The following DOCK5 variants were observed in gnomAD, a reference collection of about 807,000 sequenced individuals.
DOCK5 encodes dedicator of cytokinesis 5.
A neutral mutation model predicts 251.8 loss-of-function variants in DOCK5; 142 were observed. That is an observed-to-expected ratio of 0.56 (90% confidence interval 0.49 to 0.65). The LOEUF (loss-of-function observed/expected upper bound fraction) is 0.65, where lower values mean the gene tolerates loss of function less well. Among genes scored for constraint, DOCK5 ranks in the 30% least tolerant of loss-of-function variants. DOCK5 has a pLI of 0.00. For synonymous variants in DOCK5, 842 were observed against 835.5 expected, an observed-to-expected ratio of 1.01 and a Z score of -0.13; for missense variants, 2,111 against 2,312.3, an observed-to-expected ratio of 0.91 and a Z score of 1.79.
intron 10 of DOCK5, 95 bp downstream of exon 10, chr8:25,302,549 T>C: frequency 7.2e-7 from 1 of 1,393,724 alleles, no homozygotes; most frequent in Non-Finnish European, 9.5e-7. Flanking sequence ...AACTAGCAAA[T>C]GATCCAGCTG....
intron 1 of DOCK5, among the ~76,000 whole-genome samples, chr8:25,212,221 A>G (rs1309728000): frequency 3.0e-5 from 2 of 67,524 alleles, no homozygotes; most frequent in African/African-American, 6.6e-5. Context: ...ATAGCTAGCT[A>G]TTTTTTTTTA....
At chr8:25,254,134 A>G (rs1447865776) in intron 2 of DOCK5, among the ~76,000 whole-genome samples, 1 of 152,226 alleles carries the variant, frequency 6.6e-6, no homozygotes, top group Non-Finnish European at 1.5e-5. Context: ...AATACAATAG[A>G]GAAAAGATAT....
At chr8:25,392,918 T>G (rs375160888) in intron 44 of DOCK5, 36 bp downstream of exon 44, 2 of 1,525,452 alleles carry the variant, frequency 1.3e-6, no homozygotes, top group Non-Finnish European at 1.8e-6. Context: ...GAAAAAAACT[T>G]TCTGTTTCCA....
chr8:25,267,729 T>G (rs1803799293), intron 2 of DOCK5, among the ~76,000 whole-genome samples: 1 of 152,188 alleles, frequency 6.6e-6, no homozygotes, highest in Non-Finnish European at 1.5e-5. Flanking sequence ...TGAGGGAAAT[T>G]ATTACAGTGA....
intron 46 of DOCK5, 92 bp downstream of exon 46, chr8:25,400,086 G>A: frequency 9.9e-7 from 1 of 1,005,414 alleles, no homozygotes; most frequent in South Asian, 1.5e-5. Flanking sequence ...CCCACTCAGG[G>A]TGACTTTTCT....
In DOCK5 at chr8:25,408,874, T is replaced by G; in HGVS notation, c.5338T>G (p.Ser1780Ala). ...TAATCGGCTATCACCATTTCACGGT[T>G]CTTCACCTCCTCAGTCAACACCCTT... Reference protein sequence around the residue: ...MDNRLSPFHGSSPPQSTPLSP... With the variant: ...MDNRLSPFHGASPPQSTPLSP... The change falls in exon 50 of 52, where the codon TCT (serine) becomes GCT (alanine). Residue 1780 changes from serine (S) to alanine (A), a missense_variant. By Grantham distance (99) the Ser-to-Ala change is moderately conservative. Around this residue, in one of 3 missense-constraint regions of DOCK5, gnomAD observed 1,717 missense variants for 1,892.4 expected, o/e 0.91. Coordinates refer to ENST00000276440, the MANE Select transcript of DOCK5 (RefSeq NM_024940.8). 6.2e-7 allele frequency: 1 copy of G among 1,614,000 alleles called. No homozygotes were observed. The highest frequency in any genetic ancestry group is 8.5e-7 in the Non-Finnish European group (1 of 1,179,884).
chr8:25,300,153 G>A (rs1009924554), intron 8 of DOCK5, among the ~76,000 whole-genome samples: 4 of 152,280 alleles, frequency 2.6e-5, no homozygotes, highest in Middle Eastern at 3.4e-3. Context: ...CGATCCGCCC[G>A]CCTTGACCTC....
At chr8:25,217,423 T>A (rs375832296) in intron 1 of DOCK5, among the ~76,000 whole-genome samples, 1 of 152,118 alleles carries the variant, frequency 6.6e-6, no homozygotes, top group Non-Finnish European at 1.5e-5. Context: ...TGAGTCACCA[T>A]GAGTTTACTG....
At chr8:25,219,052 T>C (rs1291240767) in intron 1 of DOCK5, among the ~76,000 whole-genome samples, 1 of 152,220 alleles carries the variant, frequency 6.6e-6, no homozygotes, top group Non-Finnish European at 1.5e-5. Context: ...TGCTCTCTTG[T>C]GATTCATCGG....
Position 25,363,087 on chromosome 8 carries a change from T to C in DOCK5, c.2990T>C (p.Ile997Thr), listed in dbSNP as rs1220435700. Residue 997 changes from isoleucine (I) to threonine (T), a missense_variant, in exon 29 of 52, where the codon ATT becomes ACT. Physicochemically the swap from Ile to Thr is moderately conservative, Grantham distance 89. Transcript: ENST00000276440. Reference sequence around the variant, plus strand: ...ACTTTTATCATGTTCAAGGACCTGATTGGAAAGAATGTCTATGCCAAAGAT... The same window carrying C: ...ACTTTTATCATGTTCAAGGACCTGACTGGAAAGAATGTCTATGCCAAAGAT... Reference protein sequence around the residue: ...METFIMFKDLIGKNVYAKDWM... With the variant: ...METFIMFKDLTGKNVYAKDWM... 1.9e-6 allele frequency: 3 copies of C among 1,614,032 alleles called. No individual in the cohort carries two copies. Among genetic ancestry groups the C allele is most frequent in the Non-Finnish European group, 1.7e-6 (2 of 1,179,888 alleles).
At chr8:25,317,274 T>A (rs1805277873) in intron 14 of DOCK5, 143 bp downstream of exon 14, 1 of 1,327,936 alleles carries the variant, frequency 7.5e-7, no homozygotes, top group African/African-American at 1.5e-5. Flanking sequence ...CTGTTAAATT[T>A]GTGATTAGCA....
At chr8:25,317,600 C>G in intron 14 of DOCK5, among the ~76,000 whole-genome samples, 1 of 152,020 alleles carries the variant, frequency 6.6e-6, no homozygotes, top group Non-Finnish European at 1.5e-5. Context: ...TACCACTGCT[C>G]TTTAGTTTGT....
chr8:25,323,931 C>G lies in DOCK5; in HGVS notation c.1699C>G (p.His567Asp). 1 of 1,612,534 alleles carries G rather than the reference C, an allele frequency of 6.2e-7. No homozygotes were observed. Among genetic ancestry groups the G allele is most frequent in the Non-Finnish European group, 8.5e-7 (1 of 1,179,274 alleles). The change falls in exon 17 of 52, where the codon CAC becomes GAC. Residue 567 changes from histidine (H) to aspartate (D), a missense_variant. His to Asp is a moderately conservative substitution (Grantham distance 81). This residue lies in a region of DOCK5 where 1,717 missense variants were observed against 1,892.4 expected (regional missense o/e 0.91). Coordinates refer to ENST00000276440, the MANE Select transcript of DOCK5 (RefSeq NM_024940.8). ...TGGCACCACTCTGCAGGATGGGAGGCACGATCTGGTGGTTTATAAGGTGGT... is the reference window on the plus strand; with the variant it reads ...TGGCACCACTCTGCAGGATGGGAGGGACGATCTGGTGGTTTATAAGGTGGT... ...PDGTTLQDGR[H>D]DLVVYKGDNK...
At chr8:25,362,211 G>T (rs1487644887) in intron 28 of DOCK5, among the ~76,000 whole-genome samples, 1 of 152,166 alleles carries the variant, frequency 6.6e-6, no homozygotes, top group Non-Finnish European at 1.5e-5. Flanking sequence ...TCTGCTTCTT[G>T]TGTGTATCAC....
chr8:25,410,709 C>G (rs575252222), intron 51 of DOCK5, among the ~76,000 whole-genome samples: 3 of 143,074 alleles, frequency 2.1e-5, no homozygotes, highest in Non-Finnish European at 4.6e-5. Context: ...TGATCCCCCC[C>G]ACCCACCTCA....
In DOCK5 at chr8:25,249,894, A is replaced by C. The variant is rs186569219; in HGVS notation, c.127+6137A>C. Among the ~76,000 whole-genome samples, 1,059 of 152,232 alleles carry C rather than the reference A, an allele frequency of 7.0e-3. 14 individuals carry two copies. The highest frequency in any genetic ancestry group is 7.8e-3 in the Non-Finnish European group (530 of 68,010). On this transcript the variant is annotated intron_variant, in intron 2 of 51. Coordinates refer to ENST00000276440, the MANE Select transcript of DOCK5 (RefSeq NM_024940.8). ...TGGGATTATAGGCATGAGCCACTGC[A>C]CCTGGCCCAACTTCATCTCTTTTCA...
chr8:25,254,773 C>CAAAAAAAAAAAAAAAAAAAA lies in DOCK5; in HGVS notation c.127+11025_127+11026insAAAAAAAAAAAAAAAAAAAA, dbSNP rs745860086. 6.1e-4 allele frequency among the ~76,000 whole-genome samples: 4 copies of CAAAAAAAAAAAAAAAAAAAA among 6,560 alleles called. 2 individuals carry two copies. Among genetic ancestry groups the CAAAAAAAAAAAAAAAAAAAA allele is most frequent in the African/African-American group, 9.2e-4 (2 of 2,164 alleles). 4.3% of individuals were successfully genotyped at this position (6,560 alleles called of 152,430 possible). A position where few individuals can be genotyped will look rare whatever the true frequency, so the allele number is the denominator to read the frequency against. ...CTGGCGACAAAGCAAGACTTTGTCT[C>CAAAAAAAAAAAAAAAAAAAA]AAAAAAAAACAAAACAAAACAAAAA... On this transcript the variant is annotated intron_variant, in intron 2 of 51. Transcript: ENST00000276440.
intron 45 of DOCK5, among the ~76,000 whole-genome samples, 173 bp from the exon 46 acceptor site, chr8:25,399,738 G>A (rs1801404753): frequency 6.6e-6 from 1 of 152,144 alleles, no homozygotes; most frequent in South Asian, 2.1e-4. Flanking sequence ...CCACACAATA[G>A]CACACACTTT....
intron 1 of DOCK5, among the ~76,000 whole-genome samples, chr8:25,205,499 G>A (rs117868081): frequency 3.3e-4 from 51 of 152,292 alleles, no homozygotes; most frequent in Non-Finnish European, 5.4e-4. Flanking sequence ...AGGGAGTTGC[G>A]TGTTATTTGA....
Sources: gnomAD v4.1 joint callset for allele counts (sites outside exome capture counted in the v4.1 genomes callset) on GRCh38, gnomAD v4.1.1 for gene constraint, gnomAD v4.1.1 regional missense constraint, MANE v1.5 for transcripts, NCBI Gene and HGNC (gene_info 2026-07-23, HGNC 2026-07-21) for gene names.